The following FGD1 variants were observed in gnomAD, a reference collection of about 807,000 sequenced individuals.
The protein encoded by FGD1 is FYVE, RhoGEF and PH domain containing 1, also known as FYVE, RhoGEF and PH domain-containing protein 1.
A neutral mutation model predicts 65.0 loss-of-function variants in FGD1; 12 were observed. The ratio of observed to expected loss-of-function variants is 0.18; its 90% confidence interval spans 0.12 to 0.30. FGD1 has a LOEUF of 0.30. Ranked by LOEUF, FGD1 falls within the 10% of genes least tolerant of loss-of-function variation. The probability of loss-of-function intolerance (pLI) is 1.00; values close to 1 mark genes in which losing one functional copy is unlikely to be tolerated. For missense variants in FGD1, 542 were observed against 837.6 expected, an observed-to-expected ratio of 0.65 and a Z score of 4.36; for synonymous variants, 333 against 343.9, an observed-to-expected ratio of 0.97 and a Z score of 0.35.
intron 17 of FGD1, among the ~76,000 whole-genome samples, chrX:54,446,873 G>A (rs1258545512): frequency 3.7e-5 from 4 of 109,318 alleles, no homozygotes; most frequent in Non-Finnish European, 5.7e-5. Flanking sequence ...ACAGGCACAC[G>A]TCACCACGCC....
intron 8 of FGD1, among the ~76,000 whole-genome samples, chrX:54,461,361 T>C (rs1922625026): frequency 9.2e-6 from 1 of 108,616 alleles, no homozygotes; most frequent in African/African-American, 3.4e-5. Flanking sequence ...CCAGCACTTT[T>C]GGAAGCCAAG....
At chrX:54,453,684 C>T (rs890435468) in intron 12 of FGD1, among the ~76,000 whole-genome samples, 10 of 112,198 alleles carry the variant, frequency 8.9e-5, no homozygotes, top group African/African-American at 2.9e-4. Flanking sequence ...GGATTACAGG[C>T]GTGAGCCACT....
intron 1 of FGD1, among the ~76,000 whole-genome samples, chrX:54,489,571 A>G (rs76709697): frequency 2.3e-4 from 25 of 106,567 alleles, no homozygotes; most frequent in Admixed American, 1.8e-3. Flanking sequence ...GGTGACAGAG[A>G]AAAAAAAAAA....
intron 1 of FGD1, among the ~76,000 whole-genome samples, chrX:54,472,195 T>C (rs886771561): frequency 2.7e-5 from 3 of 109,415 alleles, no homozygotes; most frequent in African/African-American, 1.0e-4. Context: ...GGAGGATCAC[T>C]TGAGCCTGGG....
intron 1 of FGD1, among the ~76,000 whole-genome samples, chrX:54,490,528 A>G (rs1236658429): frequency 9.0e-6 from 1 of 111,667 alleles, no homozygotes; most frequent in Non-Finnish European, 1.9e-5. Flanking sequence ...AATATACGTC[A>G]ATATGTAGAA....
intron 6 of FGD1, among the ~76,000 whole-genome samples, chrX:54,466,939 C>T (rs1176497259): frequency 2.7e-5 from 3 of 109,560 alleles, no homozygotes; most frequent in Admixed American, 9.8e-5. Context: ...TTAGTAGAGA[C>T]GGGATTTTAC....
chrX:54,452,532 G>A (rs1922403241), intron 12 of FGD1, among the ~76,000 whole-genome samples: 1 of 110,520 alleles, frequency 9.0e-6, no homozygotes, highest in Non-Finnish European at 1.9e-5. Context: ...CAGATCACAA[G>A]GTCAGGAGTT....
At chrX:54,446,513 C>G in intron 17 of FGD1, 99 bp from the exon 18 acceptor site, 1 of 820,304 alleles carries the variant, frequency 1.2e-6, no homozygotes, top group South Asian at 2.4e-5. Context: ...CTTCAGTCCC[C>G]TACTCAGGAA....
intron 1 of FGD1, among the ~76,000 whole-genome samples, chrX:54,476,452 A>G (rs1157376434): frequency 1.8e-5 from 2 of 109,536 alleles, no homozygotes; most frequent in East Asian, 5.8e-4. Flanking sequence ...CCTGGGCTCA[A>G]GTGATCCTCC....
At chrX:54,460,685 G>A (rs1217169871) in intron 8 of FGD1, among the ~76,000 whole-genome samples, 3 of 112,179 alleles carry the variant, frequency 2.7e-5, no homozygotes, top group East Asian at 5.6e-4. Flanking sequence ...AGATTGCAGT[G>A]AGCGGAGATC....
rs544335336 is a variant in FGD1 at position 54,476,276 on chromosome X, C to T, written c.308-4789G>A. On this transcript the variant is annotated intron_variant, in intron 1 of 17. Coordinates refer to ENST00000375135, the MANE Select transcript of FGD1 (RefSeq NM_004463.3). ...GGAGCTCCCAGGGTAGGCCCCCCTC[C>T]TCCTTCCTAGAAACCACAGCCATTC... Among the ~76,000 whole-genome samples, 15 of 110,014 alleles carry T rather than the reference C, an allele frequency of 1.4e-4. No homozygotes were observed. The South Asian group carries it at 5.9e-3, about 44-fold the overall frequency.
chrX:54,468,755 TG>T, intron 5 of FGD1, 31 bp downstream of exon 5: 1 of 1,063,093 alleles, frequency 9.4e-7, no homozygotes, highest in Non-Finnish European at 1.3e-6. Flanking sequence ...TACAAGGTCC[TG>T]GGGCCCTCGT....
chrX:54,461,697 CTCTG>C (rs1213893465), intron 8 of FGD1, among the ~76,000 whole-genome samples: 3 of 106,736 alleles, frequency 2.8e-5, no homozygotes, highest in Non-Finnish European at 3.9e-5. Context: ...AATCTGGAAT[CTCTG>C]TCTGGAGCTC....
At chrX:54,455,604 C>T in intron 11 of FGD1, 77 bp from the exon 12 acceptor site, 9 of 1,096,243 alleles carry the variant, frequency 8.2e-6, no homozygotes, top group Non-Finnish European at 2.5e-6. Flanking sequence ...CATACACACA[C>T]AGACTCGGGG....
At chrX:54,467,511 C>T (rs867006528) in intron 6 of FGD1, among the ~76,000 whole-genome samples, 1 of 110,385 alleles carries the variant, frequency 9.1e-6, no homozygotes, top group Admixed American at 9.8e-5. Flanking sequence ...CGTGCCATCA[C>T]GCCAGGATAA....
chrX:54,458,395 G>A (rs1349244614), intron 8 of FGD1, among the ~76,000 whole-genome samples: 3 of 110,028 alleles, frequency 2.7e-5, no homozygotes, highest in African/African-American at 9.9e-5. Context: ...ATAAAAATTC[G>A]CCAGGCGTGG....
chrX:54,488,162 G>A lies in FGD1; in HGVS notation c.307+6964C>T, dbSNP rs1455955105. ...GCCTGTAATCCCAGCTACTCGAGAG[G>A]CTGAGGCAGGAGAATTGCTTGAACC... On this transcript the variant is annotated intron_variant, in intron 1 of 17. Coordinates refer to ENST00000375135, the MANE Select transcript of FGD1 (RefSeq NM_004463.3). 1.2e-4 allele frequency among the ~76,000 whole-genome samples: 12 copies of A among 100,494 alleles called. No homozygotes were observed. In the Admixed American group the frequency reaches 1.2e-3, roughly 10 times the overall value. The allele number at this position is 100,494 out of a possible 115,157, so 87.3% of individuals were successfully genotyped here. A position where few individuals can be genotyped will look rare whatever the true frequency, so the allele number is the denominator to read the frequency against.
chrX:54,467,857 A>T lies in FGD1; in HGVS notation c.1267T>A (p.Ser423Thr). 1 of 1,172,076 alleles carries T rather than the reference A, an allele frequency of 8.5e-7. No homozygotes were observed. Among genetic ancestry groups the T allele is most frequent in the African/African-American group, 1.8e-5 (1 of 56,641 alleles). Residue 423 changes from serine (S) to threonine (T), a missense_variant, in exon 6 of 18, where the codon TCT becomes ACT. By Grantham distance (58) the Ser-to-Thr change is moderately conservative (BLOSUM62 1). Coordinates refer to ENST00000375135, the MANE Select transcript of FGD1 (RefSeq NM_004463.3). ...AAGCAATAGATGGAGCAGATGTTAGAGAAGATGCCGTGGACAACGTCGGCC... is the reference window on the plus strand; with the variant it reads ...AAGCAATAGATGGAGCAGATGTTAGTGAAGATGCCGTGGACAACGTCGGCC... Reference protein sequence around the residue: ...FPADVVHGIFSNICSIYCFHQ... With the variant: ...FPADVVHGIFTNICSIYCFHQ...
chrX:54,461,600 C>CAAAAAAAAAAAA (rs1165040158), intron 8 of FGD1, among the ~76,000 whole-genome samples: 2 of 18,040 alleles, frequency 1.1e-4, no homozygotes, highest in Non-Finnish European at 2.7e-4. Flanking sequence ...GACTCTGTCT[C>CAAAAAAAAAAAA]AAAAAAAAAA....
Sources: gnomAD v4.1 joint callset for allele counts (sites outside exome capture counted in the v4.1 genomes callset) on GRCh38, gnomAD v4.1.1 for gene constraint, MANE v1.5 for transcripts, NCBI Gene and HGNC (gene_info 2026-07-23, HGNC 2026-07-21) for gene names.